Variants in ZNF705G observed in about 807,000 individuals in gnomAD.
ZNF705G encodes putative zinc finger protein 705G.
In ZNF705G, 23 loss-of-function variants were observed where a neutral mutation model predicts 19.6. The ratio of observed to expected loss-of-function variants is 1.17; its 90% CI spans 0.84 to 1.66. The LOEUF (loss-of-function observed/expected upper bound fraction) is 1.66, where lower values mean the gene tolerates loss of function less well. Ranked by LOEUF, ZNF705G falls within the 40% of genes most tolerant of loss-of-function variation. The pLI is 0.00. For synonymous variants in ZNF705G, 146 were observed against 117.7 expected (o/e 1.24, Z -1.56); for missense variants, 457 against 354.4 (o/e 1.29, Z -2.32).
In ZNF705G at chr8:7,355,605, G is replaced by T. The variant is rs1161034995; in HGVS notation, c.*2371C>A. The T allele has an allele frequency of 6.7e-6, 1 of 149,760 alleles. No homozygotes were observed. Among genetic ancestry groups the T allele is most frequent in the Non-Finnish European group, 1.5e-5 (1 of 68,026 alleles). The allele number at this position is 149,760 out of a possible 1,614,324, so 9.3% of individuals were successfully genotyped here. On this transcript the variant is annotated 3_prime_UTR_variant, in exon 7 of 7. Transcript: ENST00000400156. ...AAAGCCGATTGATTCCCTCTATGTG[G>T]AGGGAAGACGAGCTTGAATAAGAGA...
At position 7,360,313 on chromosome 8, in the gene ZNF705G, G is replaced by A. The variant is rs776081564; in HGVS notation, c.159C>T (p.Ser53=). ...CTTGCTCCAGCTGCAAAATTATATA[G>A]GATTTGCTTATCTGGTACCCTGTTA... ...LVSLGYQISK[S]YIILQLEQGK... Residue 53 remains serine (S), a synonymous_variant, in exon 5 of 7, where the codon TCC becomes TCT. Transcript: ENST00000400156. 1.3e-6 allele frequency: 2 copies of A among 1,589,988 alleles called. No individual in the cohort carries two copies. The highest frequency in any genetic ancestry group is 1.7e-6 in the Non-Finnish European group (2 of 1,178,710).
In ZNF705G at chr8:7,369,774, A is replaced by C. The variant is rs766838166; in HGVS notation, c.-71-6757T>G. Among the ~76,000 whole-genome samples, 17 of 149,422 alleles carry C rather than the reference A, an allele frequency of 1.1e-4. 1 individual carries two copies. The highest frequency in any genetic ancestry group is 2.1e-4 in the South Asian group (1 of 4,762). On this transcript the variant is annotated intron_variant, in intron 2 of 6. Transcript: ENST00000400156. ...ATGCAGCTGGAGGCCATTATTCTAA[A>C]ATAATGCAGGAAGAGAAAACCAAAT...
chr8:7,368,312 A>C (rs1182466800), intron 2 of ZNF705G, among the ~76,000 whole-genome samples: 1 of 149,504 alleles, frequency 6.7e-6, no homozygotes, highest in Non-Finnish European at 1.5e-5. Flanking sequence ...TCCTTTTTTT[A>C]ATCATAAGTA....
intron 6 of ZNF705G, 31 bp from the exon 7 acceptor site, chr8:7,358,591 G>T: frequency 6.2e-7 from 1 of 1,606,116 alleles, no homozygotes; most frequent in Non-Finnish European, 8.5e-7. Flanking sequence ...GCTCTTAATG[G>T]TTTACCCACA....
intron 1 of ZNF705G, among the ~76,000 whole-genome samples, chr8:7,383,354 T>A (rs1384832393): frequency 2.0e-5 from 3 of 146,706 alleles, no homozygotes; most frequent in African/African-American, 8.3e-5. Flanking sequence ...ACATCTGTGT[T>A]GCTTTATATT....
At chr8:7,368,374 C>G (rs1439236870) in intron 2 of ZNF705G, among the ~76,000 whole-genome samples, 5 of 149,430 alleles carry the variant, frequency 3.3e-5, no homozygotes, top group Admixed American at 1.3e-4. Flanking sequence ...AGGGATACAA[C>G]AAGAAACCAG....
chr8:7,357,663 A>G lies in ZNF705G; in HGVS notation c.*313T>C, dbSNP rs1230966407. On this transcript the variant is annotated 3_prime_UTR_variant, in exon 7 of 7. Transcript: ENST00000400156. The stretch of plus-strand genomic sequence containing the variant: ...ATACATGTCATACAATTTCTCTTCC[A>G]TATGAATTTATTGATGTGGACTGAA... 4 of 489,748 alleles carry G rather than the reference A, an allele frequency of 8.2e-6. No individual in the cohort carries two copies. Among genetic ancestry groups the G allele is most frequent in the Admixed American group, 3.7e-5 (1 of 27,318 alleles). The allele number at this position is 489,748 out of a possible 1,614,324, so 30.3% of individuals were successfully genotyped here.
rs1806579006 is a variant in ZNF705G at position 7,361,233 on chromosome 8, T to C, written c.16A>G (p.Lys6Glu). Residue 6 changes from lysine (K) to glutamate (E), a missense_variant, in exon 4 of 7, where the codon AAA becomes GAA. Lys to Glu is a moderately conservative substitution (Grantham distance 56). Transcript: ENST00000400156. MHSLK[K>E]LTFEDVAIDF... ...ATAGCTACATCTTCAAAAGTCAGTTTCTTCTAAAACATCACAGACATTTTA... is the reference window on the plus strand; with the variant it reads ...ATAGCTACATCTTCAAAAGTCAGTTCCTTCTAAAACATCACAGACATTTTA... 1 of 1,592,484 alleles carries C rather than the reference T, an allele frequency of 6.3e-7. No individual in the cohort carries two copies.
rs1363390070 is a variant in ZNF705G, at chr8:7,360,727, G to T, written c.139+383C>A. On this transcript the variant is annotated intron_variant, in intron 4 of 6. Coordinates refer to ENST00000400156, the MANE Select transcript of ZNF705G (RefSeq NM_001164457.3). The stretch of plus-strand genomic sequence containing the variant: ...AATAATTGGTGTTCTATATGGAAAA[G>T]ATATTGCTATTGTTTTCCCTAATTG... 2.7e-5 allele frequency among the ~76,000 whole-genome samples: 4 copies of T among 149,464 alleles called. 1 individual carries two copies. Among genetic ancestry groups the T allele is most frequent in the African/African-American group, 7.7e-5 (3 of 38,924 alleles).
chr8:7,383,792 C>T (rs1807612114), intron 1 of ZNF705G, among the ~76,000 whole-genome samples: 2 of 147,924 alleles, frequency 1.4e-5, no homozygotes, highest in South Asian at 2.1e-4. Context: ...TCTCCAGACA[C>T]CTATGCCGGT....
rs1806309830 is a variant in ZNF705G at position 7,357,163 on chromosome 8, G to C, written c.*813C>G. The stretch of plus-strand genomic sequence containing the variant: ...CCTTTCAAGATGCTAACCATGTTTT[G>C]TCCAGTGAGAAATCTCACATGTGCC... On this transcript the variant is annotated 3_prime_UTR_variant, in exon 7 of 7. Coordinates refer to ENST00000400156, the MANE Select transcript of ZNF705G (RefSeq NM_001164457.3). 1 of 150,636 alleles carries C rather than the reference G, an allele frequency of 6.6e-6. No homozygotes were observed. The highest frequency in any genetic ancestry group is 2.6e-5 in the African/African-American group (1 of 39,202). The allele number at this position is 150,636 out of a possible 1,614,324, so 9.3% of individuals were successfully genotyped here.
chr8:7,378,916 G>C (rs1282361827), intron 2 of ZNF705G, among the ~76,000 whole-genome samples: 1 of 147,346 alleles, frequency 6.8e-6, no homozygotes, highest in Non-Finnish European at 1.5e-5. Context: ...TTAGGATGTG[G>C]ATAGCTTTGG....
chr8:7,368,461 C>G (rs138138623), intron 2 of ZNF705G, among the ~76,000 whole-genome samples: 1 of 148,612 alleles, frequency 6.7e-6, no homozygotes, highest in African/African-American at 2.6e-5. Flanking sequence ...AAATGGAAGG[C>G]GAATAGATAT....
chr8:7,384,467 G>C (rs866740808), intron 1 of ZNF705G, among the ~76,000 whole-genome samples: 1 of 145,748 alleles, frequency 6.9e-6, no homozygotes, highest in African/African-American at 2.8e-5. Context: ...ATGAAAAAAA[G>C]CTCATCATCA....
chr8:7,364,752 A>G (rs1806781283), intron 2 of ZNF705G, among the ~76,000 whole-genome samples: 1 of 149,336 alleles, frequency 6.7e-6, no homozygotes, highest in Admixed American at 6.6e-5. Flanking sequence ...TATTCCTTGG[A>G]CTATTTTCTA....
rs546474978 is a variant in ZNF705G, at chr8:7,369,605, T to C, written c.-71-6588A>G. Among the ~76,000 whole-genome samples, 70 of 149,748 alleles carry C rather than the reference T, an allele frequency of 4.7e-4. 9 individuals carry two copies. Among genetic ancestry groups the C allele is most frequent in the African/African-American group, 1.7e-3 (67 of 39,134 alleles). On this transcript the variant is annotated intron_variant, in intron 2 of 6. Transcript: ENST00000400156. ...ATAAAGATGTGTGCACTCATATATT[T>C]ATTATAGCATTATTTGCAATAGCAA...
Position 7,383,620 on chromosome 8 carries a change from A to G in ZNF705G, c.-222+1878T>C, listed in dbSNP as rs1391348132. 3.7e-4 allele frequency among the ~76,000 whole-genome samples: 55 copies of G among 147,446 alleles called. 1 individual carries two copies. Among genetic ancestry groups the G allele is most frequent in the Middle Eastern group, 3.4e-3 (1 of 292 alleles). On this transcript the variant is annotated intron_variant, in intron 1 of 6. Transcript: ENST00000400156. ...TCCCCATTCATCTGTTGAAATGCCA[A>G]CCCCCAAAGTGGTGATGATATTACA...
At position 7,368,325 on chromosome 8, in the gene ZNF705G, T is replaced by C. The variant is rs1395356017; in HGVS notation, c.-71-5308A>G. ...ATTCCTTTTTTTAATCATAAGTACTTTTGAGTGTATTATATGTACTAGAAA... is the reference window on the plus strand; with the variant it reads ...ATTCCTTTTTTTAATCATAAGTACTCTTGAGTGTATTATATGTACTAGAAA... On this transcript the variant is annotated intron_variant, in intron 2 of 6. Coordinates refer to ENST00000400156, the MANE Select transcript of ZNF705G (RefSeq NM_001164457.3). Among the ~76,000 whole-genome samples, 20 of 149,530 alleles carry C rather than the reference T, an allele frequency of 1.3e-4. No homozygotes were observed. The Middle Eastern group carries it at 0.014, about 105-fold the overall frequency.
At position 7,357,419 on chromosome 8, in the gene ZNF705G, A is replaced by G. The variant is rs1806324601; in HGVS notation, c.*557T>C. 6.2e-6 allele frequency: 1 copy of G among 160,746 alleles called. No homozygotes were observed. Among genetic ancestry groups the G allele is most frequent in the Non-Finnish European group, 1.3e-5 (1 of 74,260 alleles). The allele number at this position is 160,746 out of a possible 1,614,324, so 10.0% of individuals were successfully genotyped here. A position where few individuals can be genotyped will look rare whatever the true frequency, so the allele number is the denominator to read the frequency against. ...GGCTGAATGTTCATTCACAGAAAAT[A>G]CAAATAAAGGGTTCATCCAAGTAAA... On this transcript the variant is annotated 3_prime_UTR_variant, in exon 7 of 7. Coordinates refer to ENST00000400156, the MANE Select transcript of ZNF705G (RefSeq NM_001164457.3).
Sources: allele counts gnomAD v4.1 joint callset (sites outside exome capture counted in the v4.1 genomes callset), GRCh38; gene constraint gnomAD v4.1.1; transcripts MANE v1.5; gene names NCBI Gene and HGNC (gene_info 2026-07-23, HGNC 2026-07-21).